The following SH3KBP1 variants were observed in gnomAD, a reference collection of about 807,000 sequenced individuals.
The protein encoded by SH3KBP1 is SH3 domain-containing kinase-binding protein 1.
Under a neutral mutation model 50.1 loss-of-function variants are expected in SH3KBP1, and 8 were observed. That is an observed-to-expected ratio of 0.16 (90% CI 0.09 to 0.29). The LOEUF is 0.29. SH3KBP1 is among the 10% of genes least tolerant of loss of function. SH3KBP1 has a pLI of 1.00. For missense variants in SH3KBP1, 377 were observed against 535.2 expected, an observed-to-expected ratio of 0.70 and a Z score of 2.92; for synonymous variants, 227 against 218.6, an observed-to-expected ratio of 1.04 and a Z score of -0.34.
chrX:19,612,460 T>A (rs964636397), intron 8 of SH3KBP1, among the ~76,000 whole-genome samples: 2 of 111,088 alleles, frequency 1.8e-5, no homozygotes, highest in Non-Finnish European at 3.8e-5. Flanking sequence ...GAGATGAGGT[T>A]TCATCATGTT....
chrX:19,668,785 G>A (rs1459734180), intron 6 of SH3KBP1, among the ~76,000 whole-genome samples: 4 of 97,388 alleles, frequency 4.1e-5, no homozygotes, highest in Non-Finnish European at 6.2e-5. Context: ...GGGAGGCAGA[G>A]GTTGCAGTGA....
chrX:19,589,008 C>A (rs2066656922), intron 11 of SH3KBP1, among the ~76,000 whole-genome samples: 1 of 111,748 alleles, frequency 8.9e-6, no homozygotes, highest in African/African-American at 3.3e-5. Flanking sequence ...CACACCTTCA[C>A]TCATGCTGGT....
intron 1 of SH3KBP1, among the ~76,000 whole-genome samples, chrX:19,841,240 C>G (rs764899907): frequency 9.0e-6 from 1 of 111,596 alleles, no homozygotes; most frequent in East Asian, 2.8e-4. Flanking sequence ...TTCCTGTCTC[C>G]TAGGACCAGT....
rs2064926355 is a variant in SH3KBP1 at position 19,542,049 on chromosome X, G to A, written c.1768C>T (p.Leu590=). ...TTTGGTTTTCCTTCCGTGCCGAACAGAGACGGGGAGTTGGCTCTGTGTCCA... is the reference window on the plus strand; with the variant it reads ...TTTGGTTTTCCTTCCGTGCCGAACAAAGACGGGGAGTTGGCTCTGTGTCCA... ...TAGHRANSPS[L]FGTEGKPKME... The change falls in exon 16 of 18, where the codon CTG becomes TTG. Residue 590 remains leucine (L), a synonymous_variant. Coordinates refer to ENST00000397821, the MANE Select transcript of SH3KBP1 (RefSeq NM_031892.3). 3 of 1,210,454 alleles carry A rather than the reference G, an allele frequency of 2.5e-6. No homozygotes were observed. Among genetic ancestry groups the A allele is most frequent in the Non-Finnish European group, 3.4e-6 (3 of 895,313 alleles).
At chrX:19,856,669 G>A (rs968939400) in intron 1 of SH3KBP1, among the ~76,000 whole-genome samples, 1 of 110,814 alleles carries the variant, frequency 9.0e-6, no homozygotes, top group Non-Finnish European at 1.9e-5. Context: ...CCTCCCCAGA[G>A]GCAACTACAG....
At chrX:19,685,461 T>C (rs1399184974) in intron 5 of SH3KBP1, among the ~76,000 whole-genome samples, 1 of 111,229 alleles carries the variant, frequency 9.0e-6, no homozygotes, top group African/African-American at 3.3e-5. Flanking sequence ...AGGAGGAAGG[T>C]CCCCAGTGTA....
At chrX:19,726,349 C>T (rs1369637316) in intron 3 of SH3KBP1, among the ~76,000 whole-genome samples, 6 of 111,590 alleles carry the variant, frequency 5.4e-5, no homozygotes, top group Non-Finnish European at 9.4e-5. Flanking sequence ...CTGAGCCTTG[C>T]TTTTTCCAAC....
chrX:19,558,273 G>A (rs1397603662), intron 13 of SH3KBP1, among the ~76,000 whole-genome samples: 1 of 112,218 alleles, frequency 8.9e-6, no homozygotes, highest in Non-Finnish European at 1.9e-5. Flanking sequence ...AGAAATGTTT[G>A]TGTAAGTATA....
At chrX:19,716,720 C>T (rs924003766) in intron 3 of SH3KBP1, among the ~76,000 whole-genome samples, 1 of 111,586 alleles carries the variant, frequency 9.0e-6, no homozygotes, top group African/African-American at 3.3e-5. Context: ...CTGGCCTTCC[C>T]TCATGTCCTG....
At chrX:19,687,772 A>G in intron 5 of SH3KBP1, 4 of 727,377 alleles carry the variant, frequency 5.5e-6, no homozygotes, top group Non-Finnish European at 8.6e-6. Flanking sequence ...AAAAGAAGGA[A>G]GAGGAAGAGT....
chrX:19,752,860 T>C (rs1569456173), intron 2 of SH3KBP1, among the ~76,000 whole-genome samples: 1 of 112,087 alleles, frequency 8.9e-6, no homozygotes, highest in Non-Finnish European at 1.9e-5. Flanking sequence ...GGTGGTGAGA[T>C]GTTTTCTGGG....
chrX:19,782,458 T>G (rs1039056899), intron 2 of SH3KBP1, among the ~76,000 whole-genome samples: 1 of 111,806 alleles, frequency 8.9e-6, no homozygotes, highest in Admixed American at 9.5e-5. Flanking sequence ...GGCCTCTGGG[T>G]CTGGTTCCAC....
chrX:19,642,132 C>T (rs1164603775), intron 7 of SH3KBP1, among the ~76,000 whole-genome samples: 2 of 112,179 alleles, frequency 1.8e-5, no homozygotes, highest in Non-Finnish European at 3.8e-5. Context: ...CATGAGCCAC[C>T]GTGCATGGTG....
intron 1 of SH3KBP1, among the ~76,000 whole-genome samples, chrX:19,837,563 C>T (rs1408322260): frequency 2.9e-5 from 3 of 103,740 alleles, no homozygotes; most frequent in South Asian, 4.5e-4. Flanking sequence ...CCACCTCCCA[C>T]GTTCAAGCGA....
At chrX:19,557,409 G>T (rs900288253) in intron 13 of SH3KBP1, among the ~76,000 whole-genome samples, 3 of 111,847 alleles carry the variant, frequency 2.7e-5, no homozygotes, top group Non-Finnish European at 5.6e-5. Context: ...GTGTTTATTT[G>T]CTCATTAATT....
chrX:19,742,004 C>T (rs1020602646), intron 3 of SH3KBP1, among the ~76,000 whole-genome samples: 3 of 112,032 alleles, frequency 2.7e-5, no homozygotes, highest in Non-Finnish European at 5.6e-5. Context: ...GGTCCTCACA[C>T]GGGCCAGCAG....
At chrX:19,883,256 C>T (rs1343649807) in intron 1 of SH3KBP1, among the ~76,000 whole-genome samples, 1 of 112,438 alleles carries the variant, frequency 8.9e-6, no homozygotes, top group Admixed American at 9.4e-5. Flanking sequence ...GTGCTACTGG[C>T]CTGGGGCCAC....
At chrX:19,835,927 C>T (rs1273020060) in intron 2 of SH3KBP1, among the ~76,000 whole-genome samples, 198 bp downstream of exon 2, 2 of 110,886 alleles carry the variant, frequency 1.8e-5, no homozygotes, top group Non-Finnish European at 3.8e-5. Context: ...AAGAGATCAT[C>T]CTGAGCCTCA....
intron 1 of SH3KBP1, among the ~76,000 whole-genome samples, chrX:19,865,941 T>C (rs1030029389): frequency 2.7e-5 from 3 of 112,334 alleles, no homozygotes; most frequent in Non-Finnish European, 5.6e-5. Flanking sequence ...TTGAAGACTT[T>C]GTGTTTTTGA....
Sources: gnomAD v4.1 joint callset for allele counts (sites outside exome capture counted in the v4.1 genomes callset) on GRCh38, gnomAD v4.1.1 for gene constraint, MANE v1.5 for transcripts, NCBI Gene and HGNC (gene_info 2026-07-23, HGNC 2026-07-21) for gene names.